Variants in PELO observed in about 807,000 individuals in gnomAD.
PELO encodes protein pelota homolog.
Under a neutral mutation model 25.9 loss-of-function variants are expected in PELO, and 19 were observed. That is an observed-to-expected ratio of 0.73 (90% CI 0.51 to 1.08). The LOEUF is 1.08. PELO is among the 50% of genes least tolerant of loss of function. The pLI is 0.00. For missense variants in PELO, 498 were observed against 491.4 expected (o/e 1.01, Z -0.13); for synonymous variants, 196 against 192.2 (o/e 1.02, Z -0.16).
At chr5:52,794,764 A>C (rs1161100708) in intron 1 of PELO, among the ~76,000 whole-genome samples, 2 of 151,988 alleles carry the variant, frequency 1.3e-5, no homozygotes, top group Non-Finnish European at 2.9e-5. Context: ...GGTGGAGGTC[A>C]CATGGGAACC....
In PELO at chr5:52,795,914, C is replaced by A. The variant is rs796196508; in HGVS notation, c.-510-3971C>A. 4.9e-4 allele frequency among the ~76,000 whole-genome samples: 74 copies of A among 151,998 alleles called. 1 individual carries two copies. The highest frequency in any genetic ancestry group is 1.7e-3 in the African/African-American group (72 of 41,542). ...TTGGTAGAATCCATCCAGGAAAGAC[C>A]ATATTTGAGGTCTGCCAATTCTTGG... On this transcript the variant is annotated intron_variant, in intron 1 of 2. Transcript: ENST00000274311.
chr5:52,796,891 C>A (rs1748352874), intron 1 of PELO, among the ~76,000 whole-genome samples: 2 of 152,024 alleles, frequency 1.3e-5, no homozygotes, highest in Admixed American at 1.3e-4. Context: ...AAGGAAGTGA[C>A]ATTTTAAACA....
chr5:52,788,453 G>C, intron 1 of PELO, 39 bp downstream of exon 1: 4 of 1,430,498 alleles, frequency 2.8e-6, no homozygotes, highest in Non-Finnish European at 3.7e-6. Flanking sequence ...TCCTGCTCGC[G>C]GGCTTGGGGC....
intron 1 of PELO, among the ~76,000 whole-genome samples, chr5:52,797,472 A>G (rs960661130): frequency 2.6e-5 from 4 of 152,070 alleles, no homozygotes; most frequent in African/African-American, 9.7e-5. Context: ...AGGAAAAAAA[A>G]AAACTATGTA....
Position 52,800,041 on chromosome 5 carries a change from T to G in PELO, c.-354T>G. 6.6e-6 allele frequency: 2 copies of G among 300,976 alleles called. No individual in the cohort carries two copies. The allele number at this position is 300,976 out of a possible 1,614,324, so 18.6% of individuals were successfully genotyped here. ...CGCGAACTGCGGCCCCGCCTCTCCT[T>G]TGGGGACGGGAGACGTGCGTCGGGT... On this transcript the variant is annotated 5_prime_UTR_variant, in exon 2 of 3. Transcript: ENST00000274311.
chr5:52,801,946 A>G lies in PELO; in HGVS notation c.*106A>G, dbSNP rs540510416. 1,173 of 772,410 alleles carry G rather than the reference A, an allele frequency of 1.5e-3. 3 individuals carry two copies. The highest frequency in any genetic ancestry group is 2.0e-3 in the Non-Finnish European group (973 of 491,862). The allele number at this position is 772,410 out of a possible 1,614,324, so 47.8% of individuals were successfully genotyped here. On this transcript the variant is annotated 3_prime_UTR_variant, in exon 3 of 3. Transcript: ENST00000274311. ...CTGCAAGAATGGCACTTTTTGATTC[A>G]TACAGGGATTTCTTATGTCTTTGGC...
Position 52,800,273 on chromosome 5 carries a change from C to T in PELO, c.-122C>T, listed in dbSNP as rs1748439568. The T allele has an allele frequency of 1.0e-6, 1 of 987,020 alleles. No homozygotes were observed. The highest frequency in any genetic ancestry group is 1.5e-6 in the Non-Finnish European group (1 of 653,386). The allele number at this position is 987,020 out of a possible 1,614,324, so 61.1% of individuals were successfully genotyped here. ...GCAAGCGTGTTTCCTTCCCGCCAGG[C>T]AAGTGCCCTTAGAAACCGGGCCCCG... On this transcript the variant is annotated 5_prime_UTR_variant, in exon 2 of 3. Transcript: ENST00000274311.
rs1748540422 is a variant in PELO at position 52,803,934 on chromosome 5, T to A, written c.*2094T>A. 1 of 152,172 alleles carries A rather than the reference T, an allele frequency of 6.6e-6. No individual in the cohort carries two copies. Among genetic ancestry groups the A allele is most frequent in the Non-Finnish European group, 1.5e-5 (1 of 68,014 alleles). The allele number at this position is 152,172 out of a possible 1,614,324, so 9.4% of individuals were successfully genotyped here. A position where few individuals can be genotyped will look rare whatever the true frequency, so the allele number is the denominator to read the frequency against. On this transcript the variant is annotated 3_prime_UTR_variant, in exon 3 of 3. Transcript: ENST00000274311. The stretch of plus-strand genomic sequence containing the variant: ...CAGGAAAAAGATTTGAGTATTAAGG[T>A]CTTTCAAAAAAGTTAACTGGCCATA...
Position 52,800,683 on chromosome 5 carries a change from G to T in PELO, c.289G>T (p.Gly97Trp). The T allele has an allele frequency of 1.9e-6, 3 of 1,614,194 alleles. No individual in the cohort carries two copies. The highest frequency in any genetic ancestry group is 2.5e-6 in the Non-Finnish European group (3 of 1,180,030). ...NIQENEYVKM[G>W]AYHTIELEPN... ...CCAAGAGAATGAGTATGTCAAGATG[G>T]GGGCTTACCACACCATCGAGCTGGA... The change falls in exon 2 of 3, where the codon GGG becomes TGG. Residue 97 changes from glycine to tryptophan, a missense_variant. Gly to Trp is a radical substitution (Grantham distance 184). Transcript: ENST00000274311.
At chr5:52,794,347 A>G (rs1245854781) in intron 1 of PELO, among the ~76,000 whole-genome samples, 1 of 152,016 alleles carries the variant, frequency 6.6e-6, no homozygotes, top group African/African-American at 2.4e-5. Flanking sequence ...TTTCAAAATT[A>G]TTTTATTAAT....
intron 1 of PELO, among the ~76,000 whole-genome samples, chr5:52,794,587 T>C (rs1748304169): frequency 6.6e-6 from 1 of 151,372 alleles, no homozygotes; most frequent in Admixed American, 6.6e-5. Context: ...TATTATTTTG[T>C]GACAACTGCA....
Position 52,800,624 on chromosome 5 carries a change from A to C in PELO, c.230A>C (p.Gln77Pro). 6.2e-7 allele frequency: 1 copy of C among 1,613,966 alleles called. No homozygotes were observed. Among genetic ancestry groups the C allele is most frequent in the Non-Finnish European group, 8.5e-7 (1 of 1,179,926 alleles). ...LCVEAIDFDS[Q>P]ACQLRVKGTN... ...GTGGAGGCCATCGACTTCGACTCTC[A>C]AGCCTGCCAGCTGCGGGTTAAGGGG... is the stretch of plus-strand genomic sequence containing the variant. The change falls in exon 2 of 3, where the codon CAA (glutamine) becomes CCA (proline). Residue 77 changes from glutamine (Q) to proline (P), a missense_variant. Transcript: ENST00000274311.
At chr5:52,789,878 T>C (rs969129035) in intron 1 of PELO, among the ~76,000 whole-genome samples, 22 of 152,224 alleles carry the variant, frequency 1.4e-4, no homozygotes, top group Non-Finnish European at 2.6e-4. Context: ...AGAGTGAAAC[T>C]TGAAGTAACA....
intron 1 of PELO, 106 bp downstream of exon 1, chr5:52,788,520 C>A (rs1234571239): frequency 4.1e-6 from 4 of 980,992 alleles, no homozygotes; most frequent in Non-Finnish European, 4.2e-6. Flanking sequence ...AGAGAGCGCC[C>A]ATCCACTTTC....
At chr5:52,788,446 T>A in intron 1 of PELO, 32 bp downstream of exon 1, 1 of 1,466,450 alleles carries the variant, frequency 6.8e-7, no homozygotes, top group East Asian at 2.9e-5. Flanking sequence ...GAGCATCTCC[T>A]GCTCGCGGGC....
chr5:52,793,552 G>A lies in PELO; in HGVS notation c.-511+5138G>A, dbSNP rs74840528. Among the ~76,000 whole-genome samples, 59 of 152,124 alleles carry A rather than the reference G, an allele frequency of 3.9e-4. No homozygotes were observed. The East Asian group carries it at 5.8e-3, about 15-fold the overall frequency. On this transcript the variant is annotated intron_variant, in intron 1 of 2. Transcript: ENST00000274311. ...AGATGTCAAAATTGGGAAAATGTGC[G>A]TCTGAAAATTACAATCAATAATATA...
In PELO at chr5:52,800,056, G is replaced by A. The variant is rs965388279; in HGVS notation, c.-339G>A. ...CGCCTCTCCTTTGGGGACGGGAGACGTGCGTCGGGTCGCGGGACGGGGGCT... is the reference window on the plus strand; with the variant it reads ...CGCCTCTCCTTTGGGGACGGGAGACATGCGTCGGGTCGCGGGACGGGGGCT... On this transcript the variant is annotated 5_prime_UTR_variant, in exon 2 of 3. In the 5' UTR this introduces an upstream ATG that the reference lacks. Transcript: ENST00000274311. The A allele has an allele frequency of 1.9e-5, 6 of 317,236 alleles. No homozygotes were observed. Among genetic ancestry groups the A allele is most frequent in the African/African-American group, 6.5e-5 (3 of 46,038 alleles). 19.7% of individuals were successfully genotyped at this position (317,236 alleles called of 1,614,324 possible). A position where few individuals can be genotyped will look rare whatever the true frequency, so the allele number is the denominator to read the frequency against.
In PELO at chr5:52,800,537, A is replaced by C; in HGVS notation, c.143A>C (p.Gln48Pro). ...SLRASTIRKV[Q>P]TESSTGSVGS... ...CGCGCCTCCACCATCCGCAAGGTAC[A>C]GACAGAGTCCTCCACGGGCAGCGTG... Residue 48 changes from glutamine (Q) to proline (P), a missense_variant, in exon 2 of 3, where the codon CAG becomes CCG. Transcript: ENST00000274311. 1 of 1,614,114 alleles carries C rather than the reference A, an allele frequency of 6.2e-7. No individual in the cohort carries two copies. Among genetic ancestry groups the C allele is most frequent in the East Asian group, 2.2e-5 (1 of 44,882 alleles).
At chr5:52,801,155 G>A in intron 2 of PELO, 35 bp downstream of exon 2, 2 of 1,558,720 alleles carry the variant, frequency 1.3e-6, no homozygotes, top group Non-Finnish European at 1.7e-6. Context: ...ATTAAGAATG[G>A]GCAGAGGGAT....
Sources: allele counts gnomAD v4.1 joint callset (sites outside exome capture counted in the v4.1 genomes callset), GRCh38; gene constraint gnomAD v4.1.1; transcripts MANE v1.5; gene names NCBI Gene and HGNC (gene_info 2026-07-23, HGNC 2026-07-21).